Variants in LCA5 observed in about 807,000 individuals in gnomAD.
The protein encoded by LCA5 is lebercilin LCA5, also known as lebercilin.
In LCA5, 37 loss-of-function variants were observed where a neutral mutation model predicts 53.0. The observed-to-expected ratio is 0.70, with a 90% confidence interval of 0.54 to 0.92. The LOEUF is 0.92. Ranked by LOEUF, LCA5 falls within the 40% of genes least tolerant of loss-of-function variation. The pLI, the probability that LCA5 is intolerant of heterozygous loss-of-function variation, is 0.00. For missense variants in LCA5, 806 were observed against 790.5 expected, an observed-to-expected ratio of 1.02 and a Z score of -0.23; for synonymous variants, 303 against 282.9, an observed-to-expected ratio of 1.07 and a Z score of -0.71.
At chr6:79,490,534 C>G (rs1226914937) in intron 6 of LCA5, among the ~76,000 whole-genome samples, 1 of 152,070 alleles carries the variant, frequency 6.6e-6, no homozygotes, top group East Asian at 1.9e-4. Context: ...ATATTTTAGT[C>G]CTTTTAAAGT....
At chr6:79,492,827 A>G (rs1769881615) in intron 4 of LCA5, among the ~76,000 whole-genome samples, 180 bp from the exon 5 acceptor site, 1 of 152,094 alleles carries the variant, frequency 6.6e-6, no homozygotes, top group African/African-American at 2.4e-5. Flanking sequence ...GGATAGAGCA[A>G]TAATTTTCCC....
chr6:79,508,307 T>C (rs1431283599), intron 3 of LCA5, among the ~76,000 whole-genome samples: 2 of 152,140 alleles, frequency 1.3e-5, no homozygotes, highest in African/African-American at 2.4e-5. Context: ...CCCTAACCAG[T>C]TATCCATTTC....
chr6:79,516,563 T>A (rs955845736), intron 2 of LCA5, among the ~76,000 whole-genome samples: 2 of 152,112 alleles, frequency 1.3e-5, no homozygotes, highest in African/African-American at 4.8e-5. Flanking sequence ...GAGTATAAAT[T>A]TTTTAGCATA....
intron 3 of LCA5, among the ~76,000 whole-genome samples, chr6:79,499,121 C>G (rs1770062436): frequency 6.6e-6 from 1 of 151,968 alleles, no homozygotes; most frequent in African/African-American, 2.4e-5. Context: ...CCCTAGCAAG[C>G]CAGTAGTAGA....
intron 7 of LCA5, 75 bp downstream of exon 7, chr6:79,489,009 T>TATTAGAAG: frequency 6.6e-7 from 1 of 1,526,290 alleles, no homozygotes; most frequent in Non-Finnish European, 9.0e-7. Flanking sequence ...AGCTGGAAGA[T>TATTAGAAG]ATTAGAAGAC....
rs201368662 is a variant in LCA5 at position 79,493,606 on chromosome 6, T to A, written c.858+7A>T. The A allele has an allele frequency of 8.7e-6, 14 of 1,610,342 alleles. No individual in the cohort carries two copies. The Admixed American group carries it at 2.3e-4, about 27-fold the overall frequency. The stretch of plus-strand genomic sequence containing the variant: ...TTATGGAAAACAATGCAATTTAAAA[T>A]ACTTACCTTTAATTTGTGATATAGT... On this transcript the variant is annotated splice_region_variant and intron_variant, in intron 4 of 7. Coordinates refer to ENST00000369846, the MANE Select transcript of LCA5 (RefSeq NM_001122769.3).
chr6:79,489,426 A>G (rs1314673819), intron 6 of LCA5, among the ~76,000 whole-genome samples: 4 of 152,158 alleles, frequency 2.6e-5, no homozygotes, highest in Non-Finnish European at 1.5e-5. Context: ...GTAAAGAAGC[A>G]TTCATAAGAT....
chr6:79,513,795 A>T, intron 2 of LCA5, 54 bp from the exon 3 acceptor site: 1 of 1,549,662 alleles, frequency 6.5e-7, no homozygotes, highest in South Asian at 1.1e-5. Flanking sequence ...ACACAGTGTT[A>T]TTTGTTCATC....
intron 3 of LCA5, among the ~76,000 whole-genome samples, chr6:79,509,930 A>G (rs1037070165): frequency 1.6e-4 from 24 of 152,162 alleles, no homozygotes; most frequent in African/African-American, 5.5e-4. Context: ...TTCTCCACAA[A>G]CTGATCTATG....
chr6:79,494,061 G>C (rs1257168782), intron 3 of LCA5, among the ~76,000 whole-genome samples: 1 of 152,056 alleles, frequency 6.6e-6, no homozygotes, highest in Non-Finnish European at 1.5e-5. Flanking sequence ...GACCAGCCTA[G>C]ACAACAAAGC....
intron 3 of LCA5, among the ~76,000 whole-genome samples, chr6:79,512,536 A>T: frequency 6.6e-6 from 1 of 152,108 alleles, no homozygotes; most frequent in Non-Finnish European, 1.5e-5. Context: ...AGCAAGCATT[A>T]TTGCCATACT....
At chr6:79,526,629 C>T (rs567441753) in intron 1 of LCA5, among the ~76,000 whole-genome samples, 12 of 152,120 alleles carry the variant, frequency 7.9e-5, no homozygotes, top group Non-Finnish European at 1.5e-4. Flanking sequence ...AGCCCCTTTA[C>T]CTCAAAGGGT....
In LCA5 at chr6:79,487,125, A is replaced by G; in HGVS notation, c.1973T>C (p.Phe658Ser). Residue 658 changes from phenylalanine to serine, a missense_variant, in exon 8 of 8, where the codon TTC (phenylalanine) becomes TCC (serine). Coordinates refer to ENST00000369846, the MANE Select transcript of LCA5 (RefSeq NM_001122769.3). ...ATTAAAACTTCTTCCTTCACTGAGG[A>G]AAAAGCCTTCATCTTCATCATGTTC... ...DQEHDEDEGF[F>S]LSEGRSFNPN... The G allele has an allele frequency of 6.2e-7, 1 of 1,613,988 alleles. No individual in the cohort carries two copies. Among genetic ancestry groups the G allele is most frequent in the Non-Finnish European group, 8.5e-7 (1 of 1,179,916 alleles).
intron 3 of LCA5, among the ~76,000 whole-genome samples, chr6:79,510,385 C>T (rs972620970): frequency 1.3e-5 from 2 of 152,064 alleles, no homozygotes; most frequent in Non-Finnish European, 2.9e-5. Context: ...AAGTGTAAAA[C>T]CTAAAATCAT....
chr6:79,518,698 T>G lies in LCA5; in HGVS notation c.190+7A>C. The stretch of plus-strand genomic sequence containing the variant: ...AGGTCCACCAGACTCTTTTAAAGAA[T>G]GCTTACCTTGGTGATGTACTTGGCC... On this transcript the variant is annotated splice_region_variant and intron_variant, in intron 2 of 7. Transcript: ENST00000369846. 1.2e-6 allele frequency: 2 copies of G among 1,613,920 alleles called. No individual in the cohort carries two copies. Among genetic ancestry groups the G allele is most frequent in the Non-Finnish European group, 1.7e-6 (2 of 1,179,778 alleles).
At chr6:79,497,869 A>G (rs1374621703) in intron 3 of LCA5, among the ~76,000 whole-genome samples, 2 of 150,256 alleles carry the variant, frequency 1.3e-5, no homozygotes, top group Non-Finnish European at 3.0e-5. Context: ...GCTACTCAGG[A>G]GGCTGAGTCA....
rs1051156080 is a variant in LCA5, at chr6:79,523,862, T to G, written c.-191-4777A>C. ...AAAGGAAATATCCAATGTCCCATTA[T>G]CCAAGTCCTGCTCCCTGAAACAACC... On this transcript the variant is annotated intron_variant, in intron 1 of 7. Transcript: ENST00000369846. Among the ~76,000 whole-genome samples, 9 of 152,310 alleles carry G rather than the reference T, an allele frequency of 5.9e-5. No homozygotes were observed. The South Asian group carries it at 1.7e-3, about 28-fold the overall frequency.
chr6:79,492,865 A>T (rs1186964657), intron 4 of LCA5, among the ~76,000 whole-genome samples: 2 of 152,074 alleles, frequency 1.3e-5, no homozygotes, highest in Admixed American at 6.5e-5. Context: ...CCTGGAAATT[A>T]AAAAAATTAA....
intron 1 of LCA5, among the ~76,000 whole-genome samples, chr6:79,529,957 G>A (rs769337916): frequency 8.8e-4 from 118 of 133,552 alleles, no homozygotes; most frequent in Non-Finnish European, 1.3e-3. Flanking sequence ...GGGCTGTTGT[G>A]GGGTGGGGGG....
Sources: gnomAD v4.1 joint callset for allele counts (sites outside exome capture counted in the v4.1 genomes callset) on GRCh38, gnomAD v4.1.1 for gene constraint, MANE v1.5 for transcripts, NCBI Gene and HGNC (gene_info 2026-07-23, HGNC 2026-07-21) for gene names.